The following LIMCH1 variants were observed in gnomAD, a reference collection of about 807,000 sequenced individuals.
LIMCH1 encodes LIM and calponin homology domains 1, also known as LIM and calponin homology domains-containing protein 1.
Under a neutral mutation model 176.5 loss-of-function variants are expected in LIMCH1, and 113 were observed. That is an observed-to-expected ratio of 0.64 (90% CI 0.55 to 0.75). LIMCH1 has a LOEUF of 0.75. Among genes scored for constraint, LIMCH1 ranks in the 30% least tolerant of loss-of-function variants. LIMCH1 has a pLI of 0.00. For synonymous variants in LIMCH1, 619 were observed against 645.9 expected (o/e 0.96, Z 0.63); for missense variants, 1,674 against 1,814.9 (o/e 0.92, Z 1.41).
intron 1 of LIMCH1, among the ~76,000 whole-genome samples, chr4:41,376,283 A>T (rs183472142): frequency 3.3e-5 from 5 of 152,316 alleles, no homozygotes; most frequent in African/African-American, 9.6e-5. Flanking sequence ...AATCTCTGCC[A>T]CTGTTTGGCA....
At chr4:41,444,532 C>G (rs1441307234) in intron 1 of LIMCH1, among the ~76,000 whole-genome samples, 2 of 152,160 alleles carry the variant, frequency 1.3e-5, no homozygotes, top group East Asian at 3.9e-4. Flanking sequence ...GGTGTCTCTT[C>G]ATTGGCCAAC....
At chr4:41,415,758 G>A (rs2059867854) in intron 1 of LIMCH1, among the ~76,000 whole-genome samples, 1 of 152,016 alleles carries the variant, frequency 6.6e-6, no homozygotes, top group East Asian at 1.9e-4. Flanking sequence ...CAGGCAGATC[G>A]CGAGGTCAGG....
chr4:41,535,101 G>T (rs1361384217), upstream of LIMCH1, among the ~76,000 whole-genome samples: 1 of 147,624 alleles, frequency 6.8e-6, no homozygotes, highest in Non-Finnish European at 1.5e-5. Flanking sequence ...AGTCAAGCCT[G>T]CAGTGAGCTT....
chr4:41,458,806 G>A (rs2064950109), intron 1 of LIMCH1, among the ~76,000 whole-genome samples: 1 of 149,000 alleles, frequency 6.7e-6, no homozygotes, highest in African/African-American at 2.5e-5. Context: ...TAGATTGTGA[G>A]TCCTTTCTTG....
chr4:41,374,161 G>A (rs1213164357), intron 1 of LIMCH1, among the ~76,000 whole-genome samples: 1 of 152,268 alleles, frequency 6.6e-6, no homozygotes, highest in South Asian at 2.1e-4. Flanking sequence ...GACCAAGGGT[G>A]TCTGTGAGGG....
At chr4:41,581,645 A>G (rs2085458244) in intron 1 of LIMCH1, among the ~76,000 whole-genome samples, 1 of 151,962 alleles carries the variant, frequency 6.6e-6, no homozygotes, top group African/African-American at 2.4e-5. Context: ...TCTCTACTAA[A>G]AAGTACAAAA....
intron 1 of LIMCH1, among the ~76,000 whole-genome samples, chr4:41,547,302 T>G (rs555665583): frequency 8.5e-5 from 13 of 152,280 alleles, no homozygotes; most frequent in Admixed American, 7.9e-4. Context: ...ATGTCACCTT[T>G]CTTCACCCAC....
chr4:41,566,998 A>C (rs960489803), intron 1 of LIMCH1, among the ~76,000 whole-genome samples: 2 of 152,180 alleles, frequency 1.3e-5, no homozygotes, highest in African/African-American at 4.8e-5. Context: ...GCCCATCAGA[A>C]TACTTGCAAA....
intron 7 of LIMCH1, among the ~76,000 whole-genome samples, chr4:41,623,769 G>A (rs1315527825): frequency 6.6e-6 from 1 of 152,140 alleles, no homozygotes; most frequent in Non-Finnish European, 1.5e-5. Flanking sequence ...TATCTTTAAG[G>A]CAGTATACAA....
Position 41,697,429 on chromosome 4 carries a change from TC to T in LIMCH1, c.*246del. 1 of 444,006 alleles carries T rather than the reference TC, an allele frequency of 2.3e-6. No individual in the cohort carries two copies. Among genetic ancestry groups the T allele is most frequent in the Non-Finnish European group, 4.0e-6 (1 of 250,796 alleles). 27.5% of individuals were successfully genotyped at this position (444,006 alleles called of 1,614,324 possible). On this transcript the variant is annotated 3_prime_UTR_variant, in exon 32 of 32. Transcript: ENST00000503057. Reference sequence around the variant, plus strand: ...ACAAAAGAATATGGGGTTGTAATGATCCTGAATAGCTCAAAAAAGGTTTTAG... The same window carrying T: ...ACAAAAGAATATGGGGTTGTAATGATCTGAATAGCTCAAAAAAGGTTTTAG...
At chr4:41,534,351 T>A (rs537232416), upstream of LIMCH1, among the ~76,000 whole-genome samples, 1 of 152,340 alleles carries the variant, frequency 6.6e-6, no homozygotes, top group South Asian at 2.1e-4. Context: ...AAAATGCATC[T>A]TTATTTCAGA....
upstream of LIMCH1, among the ~76,000 whole-genome samples, chr4:41,534,259 C>T (rs977240554): frequency 2.0e-5 from 3 of 152,216 alleles, no homozygotes; most frequent in Non-Finnish European, 4.4e-5. Flanking sequence ...AATGATGACA[C>T]ACACCATTTT....
intron 1 of LIMCH1, among the ~76,000 whole-genome samples, chr4:41,399,263 T>A (rs1470224723): frequency 6.6e-6 from 1 of 152,074 alleles, no homozygotes; most frequent in Non-Finnish European, 1.5e-5. Flanking sequence ...GCTTGTTTCT[T>A]ATATTAAGAT....
chr4:41,626,789 T>C lies in LIMCH1; in HGVS notation c.807T>C (p.His269=). 6.5e-7 allele frequency: 1 copy of C among 1,536,398 alleles called. No individual in the cohort carries two copies. Among genetic ancestry groups the C allele is most frequent in the Non-Finnish European group, 8.7e-7 (1 of 1,146,958 alleles). The change falls in exon 8 of 32, where the codon CAT becomes CAC. Residue 269 remains histidine, a synonymous_variant. Coordinates refer to ENST00000503057, the MANE Select transcript of LIMCH1 (RefSeq NM_001330672.2). ...RKENSFLTHQ[H]GNDSEAEGEV... ...AAAACTCTTTCCTGACCCACCAACA[T>C]GGCAACGATTCAGAGGCAGAAGGTG... is the stretch of plus-strand genomic sequence containing the variant.
At chr4:41,593,251 A>G (rs1342894998) in intron 1 of LIMCH1, among the ~76,000 whole-genome samples, 1 of 152,248 alleles carries the variant, frequency 6.6e-6, no homozygotes, top group African/African-American at 2.4e-5. Context: ...CCCATGAACA[A>G]GGAGGGTTTA....
intron 30 of LIMCH1, 23 bp downstream of exon 30, chr4:41,689,658 T>C (rs1004828077): frequency 7.3e-7 from 1 of 1,376,794 alleles, no homozygotes; most frequent in Non-Finnish European, 1.0e-6. Flanking sequence ...TGCTTTGCTC[T>C]CCAGACACAA....
chr4:41,467,077 A>G (rs1188295690), intron 1 of LIMCH1, among the ~76,000 whole-genome samples: 1 of 151,854 alleles, frequency 6.6e-6, no homozygotes, highest in African/African-American at 2.4e-5. Context: ...TCATGCCTTC[A>G]TCCATGTTAT....
At chr4:41,464,060 C>G (rs542639643) in intron 1 of LIMCH1, among the ~76,000 whole-genome samples, 45 of 152,040 alleles carry the variant, frequency 3.0e-4, no homozygotes, top group African/African-American at 1.1e-3. Flanking sequence ...TTTGTCACCC[C>G]CTTCCCAAGT....
intron 1 of LIMCH1, among the ~76,000 whole-genome samples, chr4:41,542,839 G>C (rs752314722): frequency 1.3e-4 from 20 of 152,118 alleles, no homozygotes; most frequent in Non-Finnish European, 2.6e-4. Context: ...TTGCTATATA[G>C]GGCTCATATG....
Sources: allele counts gnomAD v4.1 joint callset (sites outside exome capture counted in the v4.1 genomes callset), GRCh38; gene constraint gnomAD v4.1.1; transcripts MANE v1.5; gene names NCBI Gene and HGNC (gene_info 2026-07-23, HGNC 2026-07-21).